Variants in TMEM178B observed in about 807,000 individuals in gnomAD.
TMEM178B encodes the protein transmembrane protein 178B.
TMEM178B carries 5 observed loss-of-function variants against 31.0 expected under a neutral mutation model. The observed-to-expected ratio is 0.16, with a 90% CI of 0.08 to 0.34. The LOEUF is 0.34. TMEM178B is among the 10% of genes least tolerant of loss of function. The pLI is 1.00. For missense variants in TMEM178B, 275 were observed against 400.3 expected, an observed-to-expected ratio of 0.69 and a Z score of 2.67; for synonymous variants, 164 against 164.0, an observed-to-expected ratio of 1.00 and a Z score of 0.00.
chr7:141,509,947 C>A, the TMEM178B span, among the ~76,000 whole-genome samples: 2 of 152,226 alleles, frequency 1.3e-5, no homozygotes, highest in Admixed American at 6.5e-5. Context: ...ACTCTATTAT[C>A]TAAAGACAGT....
the TMEM178B span, among the ~76,000 whole-genome samples, chr7:141,490,422 G>A: frequency 1.3e-5 from 2 of 152,152 alleles, no homozygotes; most frequent in Non-Finnish European, 2.9e-5. Context: ...GAACATAAAG[G>A]CAAAGGCCAG....
chr7:141,085,026 G>C lies in TMEM178B; in HGVS notation c.382+10334G>C, dbSNP rs150491743. Among the ~76,000 whole-genome samples the C allele has an allele frequency of 2.6e-5, 4 of 151,704 alleles. No homozygotes were observed. In the East Asian group the frequency reaches 7.7e-4, roughly 29 times the overall value. Reference sequence around the variant, plus strand: ...TCTGAGTAGCTGGGATTACAGGTGCGCACTGCCACATCACGATCTCAGCTC... The same window carrying C: ...TCTGAGTAGCTGGGATTACAGGTGCCCACTGCCACATCACGATCTCAGCTC... On this transcript the variant is annotated intron_variant, in intron 1 of 3. Coordinates refer to ENST00000565468, the MANE Select transcript of TMEM178B (RefSeq NM_001195278.2).
intron 2 of TMEM178B, among the ~76,000 whole-genome samples, chr7:141,403,687 T>A (rs1453292036): frequency 2.0e-5 from 3 of 152,216 alleles, no homozygotes; most frequent in Non-Finnish European, 4.4e-5. Context: ...AAGTACTTAG[T>A]CCCATGCCTG....
chr7:141,099,997 TG>T (rs1201022509), intron 1 of TMEM178B, among the ~76,000 whole-genome samples: 1 of 151,826 alleles, frequency 6.6e-6, no homozygotes, highest in Admixed American at 6.6e-5. Context: ...TTTTTTGTAT[TG>T]TTAGTAGAGA....
intron 1 of TMEM178B, among the ~76,000 whole-genome samples, chr7:141,153,178 A>G (rs1192779460): frequency 6.6e-6 from 1 of 152,190 alleles, no homozygotes; most frequent in Non-Finnish European, 1.5e-5. Flanking sequence ...TATTTTTTCC[A>G]TGTACCCACA....
At chr7:141,248,639 G>A (rs9791813) in intron 2 of TMEM178B, among the ~76,000 whole-genome samples, 37 of 152,018 alleles carry the variant, frequency 2.4e-4, no homozygotes, top group Non-Finnish European at 5.0e-4. Flanking sequence ...TTTGTATATC[G>A]AAATATAGAA....
At chr7:141,260,225 C>A (rs1239715751) in intron 2 of TMEM178B, among the ~76,000 whole-genome samples, 2 of 151,822 alleles carry the variant, frequency 1.3e-5, no homozygotes, top group African/African-American at 4.8e-5. Flanking sequence ...CAAATCAAGC[C>A]AGCTGCCTTC....
downstream of TMEM178B, among the ~76,000 whole-genome samples, chr7:141,484,960 A>G (rs962185680): frequency 2.0e-5 from 3 of 152,176 alleles, no homozygotes; most frequent in African/African-American, 7.2e-5. This position sits in a 1 kb window ranked among gnomAD's most constrained non-coding sequence, Gnocchi z 4.8. Flanking sequence ...AAAAGCATCA[A>G]TTTAAACTAA....
chr7:141,326,295 A>C (rs1486505254), intron 2 of TMEM178B, among the ~76,000 whole-genome samples: 5 of 152,200 alleles, frequency 3.3e-5, no homozygotes. Context: ...GTATTAGAGA[A>C]ACATAATAAA....
At chr7:141,439,739 G>A (rs1271922612) in intron 3 of TMEM178B, among the ~76,000 whole-genome samples, 2 of 152,144 alleles carry the variant, frequency 1.3e-5, no homozygotes, top group Non-Finnish European at 2.9e-5. Flanking sequence ...ACGGGCCGCG[G>A]GCAGATAAGG....
At chr7:141,492,512 C>T in the TMEM178B span, among the ~76,000 whole-genome samples, 1 of 152,144 alleles carries the variant, frequency 6.6e-6, no homozygotes, top group Admixed American at 6.6e-5. Flanking sequence ...CACATACTGG[C>T]CTGCGAAATG....
At chr7:141,366,617 T>A (rs966643435) in intron 2 of TMEM178B, among the ~76,000 whole-genome samples, 3 of 152,198 alleles carry the variant, frequency 2.0e-5, no homozygotes, top group African/African-American at 7.2e-5. Flanking sequence ...GTCTTTGGAT[T>A]TCTTCTTATC....
intron 1 of TMEM178B, among the ~76,000 whole-genome samples, chr7:141,119,080 A>G (rs79337537): frequency 0.073 from 11,151 of 152,180 alleles, 611 homozygotes; most frequent in South Asian, 0.24. Flanking sequence ...TGGAAGGGGC[A>G]TGGGAGAAAG....
chr7:141,459,190 T>C (rs921945932), intron 3 of TMEM178B, among the ~76,000 whole-genome samples: 2 of 152,100 alleles, frequency 1.3e-5, no homozygotes, highest in African/African-American at 4.8e-5. Flanking sequence ...CCACCACTCC[T>C]GGCTAATTTT....
chr7:141,234,089 A>C (rs1271433215), intron 2 of TMEM178B, among the ~76,000 whole-genome samples: 2 of 151,990 alleles, frequency 1.3e-5, no homozygotes, highest in Admixed American at 1.3e-4. Context: ...GAAGGTGACT[A>C]CTCTCTTTTG....
chr7:141,223,479 C>CTTT lies in TMEM178B; in HGVS notation c.496+10790_496+10792dup, dbSNP rs10680431. Among the ~76,000 whole-genome samples the CTTT allele has an allele frequency of 1.1e-3, 140 of 131,148 alleles. 1 individual carries two copies. Among genetic ancestry groups the CTTT allele is most frequent in the East Asian group, 4.5e-3 (20 of 4,414 alleles). 86.0% of individuals were successfully genotyped at this position (131,148 alleles called of 152,430 possible). A position where few individuals can be genotyped will look rare whatever the true frequency, so the allele number is the denominator to read the frequency against. On this transcript the variant is annotated intron_variant, in intron 2 of 3. Coordinates refer to ENST00000565468, the MANE Select transcript of TMEM178B (RefSeq NM_001195278.2). Reference sequence around the variant, plus strand: ...GCTGATGTTCTCTGCTGTTTTCACTCTTTTTTTTTTTTTTTTTGTATTTCC... The same window carrying CTTT: ...GCTGATGTTCTCTGCTGTTTTCACTCTTTTTTTTTTTTTTTTTTTTGTATTTCC...
chr7:141,346,646 C>G (rs1006340221), intron 2 of TMEM178B, among the ~76,000 whole-genome samples: 1 of 152,066 alleles, frequency 6.6e-6, no homozygotes, highest in African/African-American at 2.4e-5. Flanking sequence ...ACACACACCT[C>G]TAATTCTTTG....
Position 141,149,114 on chromosome 7 carries a change from G to A in TMEM178B, c.383-63477G>A, listed in dbSNP as rs190828230. Among the ~76,000 whole-genome samples, 686 of 152,248 alleles carry A rather than the reference G, an allele frequency of 4.5e-3. 7 individuals carry two copies. Among genetic ancestry groups the A allele is most frequent in the African/African-American group, 0.016 (662 of 41,542 alleles). On this transcript the variant is annotated intron_variant, in intron 1 of 3. Coordinates refer to ENST00000565468, the MANE Select transcript of TMEM178B (RefSeq NM_001195278.2). ...TGTGCTAAGGTTTTGTTGTAGGAGG[G>A]GTCAAGAGTGGAACAGGGAGACTAG...
intron 3 of TMEM178B, among the ~76,000 whole-genome samples, chr7:141,438,404 T>C (rs1181744): frequency 0.8 from 120,772 of 151,720 alleles, 48,288 homozygotes; most frequent in African/African-American, 0.85. Flanking sequence ...TCCTCTTGTG[T>C]CTCTTCTTTC....
Sources: gnomAD v4.1 joint callset for allele counts (sites outside exome capture counted in the v4.1 genomes callset) on GRCh38, gnomAD v4.1.1 for gene constraint, Gnocchi (gnomAD v3.1) non-coding constraint, MANE v1.5 for transcripts, NCBI Gene and HGNC (gene_info 2026-07-23, HGNC 2026-07-21) for gene names.